Variants in TNRC6A observed in about 807,000 individuals in gnomAD.
TNRC6A encodes the protein trinucleotide repeat containing adaptor 6A, also known as trinucleotide repeat-containing gene 6A protein.
TNRC6A carries 44 observed loss-of-function variants against 221.2 expected under a neutral mutation model. That is an observed-to-expected ratio of 0.20 (90% CI 0.16 to 0.26). The LOEUF is 0.26. Among genes scored for constraint, TNRC6A ranks in the 10% least tolerant of loss-of-function variants. TNRC6A has a pLI of 1.00. For synonymous variants in TNRC6A, 847 were observed against 838.5 expected (o/e 1.01, Z -0.18); for missense variants, 2,199 against 2,404.4 (o/e 0.91, Z 1.79).
intron 5 of TNRC6A, among the ~76,000 whole-genome samples, chr16:24,779,617 C>A (rs1293972008): frequency 1.3e-5 from 2 of 152,122 alleles, no homozygotes; most frequent in East Asian, 3.8e-4. Flanking sequence ...ACTACTAACT[C>A]ATTTAATACT....
Position 24,795,743 on chromosome 16 carries a change from G to GAT in TNRC6A, c.3529-162_3529-161dup, listed in dbSNP as rs1361007213. The GAT allele has an allele frequency of 2.8e-5, 16 of 574,538 alleles. No individual in the cohort carries two copies. The Admixed American group carries it at 4.9e-4, about 18-fold the overall frequency. The allele number at this position is 574,538 out of a possible 1,614,324, so 35.6% of individuals were successfully genotyped here. On this transcript the variant is annotated intron_variant, in intron 8 of 24. Transcript: ENST00000395799. ...TCATTTGATCCTCACAACCATCTAAGATAGGACACTGATGAATTTGAGACT... is the reference window on the plus strand; with the variant it reads ...TCATTTGATCCTCACAACCATCTAAGATATAGGACACTGATGAATTTGAGACT...
chr16:24,823,869 G>T lies in TNRC6A; in HGVS notation c.*62G>T. On this transcript the variant is annotated 3_prime_UTR_variant, in exon 25 of 25. Transcript: ENST00000395799. This position sits in a 1 kb window ranked among gnomAD's most constrained non-coding sequence, Gnocchi z 4.3. Reference sequence around the variant, plus strand: ...CGCGAGGGAAAGGAGCACTAAGTGGGGCTCGCCGCCTGCAGCCAGGGGCCG... The same window carrying T: ...CGCGAGGGAAAGGAGCACTAAGTGGTGCTCGCCGCCTGCAGCCAGGGGCCG... The T allele has an allele frequency of 1.5e-6, 2 of 1,364,524 alleles. No homozygotes were observed. Among genetic ancestry groups the T allele is most frequent in the Non-Finnish European group, 9.5e-7 (1 of 1,054,186 alleles). The allele number at this position is 1,364,524 out of a possible 1,614,324, so 84.5% of individuals were successfully genotyped here.
In TNRC6A at chr16:24,736,810, A is replaced by C. The variant is rs546271052; in HGVS notation, c.53+6510A>C. On this transcript the variant is annotated intron_variant, in intron 2 of 24. Coordinates refer to ENST00000395799, the MANE Select transcript of TNRC6A (RefSeq NM_014494.4). ...AATGCCAAACAATTGGTTTAAACCG[A>C]GATGTAATTTTAAATATTTGAGGTT... is the stretch of plus-strand genomic sequence containing the variant. 2.6e-5 allele frequency among the ~76,000 whole-genome samples: 4 copies of C among 152,348 alleles called. No individual in the cohort carries two copies. In the South Asian group the frequency reaches 8.3e-4, roughly 32 times the overall value.
intron 1 of TNRC6A, among the ~76,000 whole-genome samples, chr16:24,626,225 T>C (rs967515780): frequency 1.3e-5 from 2 of 152,162 alleles, no homozygotes; most frequent in African/African-American, 4.8e-5. Flanking sequence ...ATTGCTCCAA[T>C]GTGCCACCAG....
rs113860323 is a variant in TNRC6A at position 24,680,422 on chromosome 16, TA to T, written n.402+39425del. Among the ~76,000 whole-genome samples the T allele has an allele frequency of 3.5e-3, 495 of 141,772 alleles. 2 individuals carry two copies. Among genetic ancestry groups the T allele is most frequent in the African/African-American group, 4.3e-3 (168 of 39,022 alleles). 93.0% of individuals were successfully genotyped at this position (141,772 alleles called of 152,430 possible). A position where few individuals can be genotyped will look rare whatever the true frequency, so the allele number is the denominator to read the frequency against. ...GGTGACAGAGTCAGACACTGTCTCTTAAAAAAAAAAAAGGAGGCCCGGTGCG... is the reference window on the plus strand; with the variant it reads ...GGTGACAGAGTCAGACACTGTCTCTTAAAAAAAAAAAGGAGGCCCGGTGCG... On this transcript the variant is annotated intron_variant and non_coding_transcript_variant, in intron 2 of 2. Coordinates refer to the TNRC6A transcript ENST00000566108.
At chr16:24,819,362 C>T (rs552321633) in intron 21 of TNRC6A, among the ~76,000 whole-genome samples, 6 of 152,316 alleles carry the variant, frequency 3.9e-5, no homozygotes, top group African/African-American at 1.4e-4. Context: ...CTGGTCCCTG[C>T]ATACCCACTC....
chr16:24,729,604 G>A (rs1408139774), upstream of TNRC6A: 2 of 412,338 alleles, frequency 4.9e-6, no homozygotes, highest in African/African-American at 2.1e-5. Flanking sequence ...CATCTTGGGG[G>A]CCAGTGGCCG....
Position 24,730,399 on chromosome 16 carries a change from C to T in TNRC6A, c.53+99C>T. On this transcript the variant is annotated intron_variant, in intron 2 of 24. Coordinates refer to ENST00000395799, the MANE Select transcript of TNRC6A (RefSeq NM_014494.4). ...TTGAGAAGTTCCCCCGTGACATTTTCTTCCGCACCCGGAGAGCAGACATTC... is the reference window on the plus strand; with the variant it reads ...TTGAGAAGTTCCCCCGTGACATTTTTTTCCGCACCCGGAGAGCAGACATTC... 2.8e-6 allele frequency: 4 copies of T among 1,408,996 alleles called. No homozygotes were observed. In the Admixed American group the frequency reaches 6.5e-5, roughly 23 times the overall value. 87.3% of individuals were successfully genotyped at this position (1,408,996 alleles called of 1,614,324 possible).
At chr16:24,631,009 T>C (rs575848072) in intron 1 of TNRC6A, among the ~76,000 whole-genome samples, 42 of 146,298 alleles carry the variant, frequency 2.9e-4, no homozygotes, top group Admixed American at 2.6e-3. Context: ...TACATACAGA[T>C]GAAGGGAAGA....
chr16:24,675,713 T>C (rs1420824053), intron 2 of TNRC6A, among the ~76,000 whole-genome samples: 2 of 95,194 alleles, frequency 2.1e-5, no homozygotes, highest in African/African-American at 4.2e-5. Flanking sequence ...TATATATATA[T>C]ATATATATAT....
At chr16:24,820,421 A>G (rs2058744734) in intron 22 of TNRC6A, 61 bp downstream of exon 22, 2 of 1,480,858 alleles carry the variant, frequency 1.4e-6, no homozygotes, top group Admixed American at 1.7e-5. Flanking sequence ...ACCAGTACTA[A>G]CAGTCGAGTT....
intron 2 of TNRC6A, among the ~76,000 whole-genome samples, chr16:24,645,093 A>G (rs1468911951): frequency 3.3e-5 from 5 of 152,214 alleles, no homozygotes; most frequent in Admixed American, 3.3e-4. Flanking sequence ...ATACTTAAAT[A>G]TTTTCCAAGT....
At chr16:24,697,308 A>G (rs1337344403) in intron 2 of TNRC6A, among the ~76,000 whole-genome samples, 2 of 152,192 alleles carry the variant, frequency 1.3e-5, no homozygotes, top group South Asian at 2.1e-4. Context: ...CCTCTTCTGA[A>G]TCGTTGTGTC....
intron 4 of TNRC6A, among the ~76,000 whole-genome samples, chr16:24,763,866 A>G (rs975063487): frequency 1.3e-5 from 2 of 152,172 alleles, no homozygotes; most frequent in African/African-American, 4.8e-5. Flanking sequence ...TGTTTATTAT[A>G]TATATTTAAG....
chr16:24,700,899 C>T (rs1417374659), intron 2 of TNRC6A, among the ~76,000 whole-genome samples: 2 of 152,226 alleles, frequency 1.3e-5, no homozygotes, highest in East Asian at 1.9e-4. Flanking sequence ...CGTGGGCTGA[C>T]GCCTTCACAG....
chr16:24,799,712 T>C (rs896944633), intron 11 of TNRC6A, among the ~76,000 whole-genome samples: 3 of 152,222 alleles, frequency 2.0e-5, no homozygotes, highest in African/African-American at 7.2e-5. Flanking sequence ...TAAGCCATCA[T>C]TGGTATCTGT....
chr16:24,711,475 C>T (rs2056204848), intron 2 of TNRC6A, among the ~76,000 whole-genome samples: 1 of 152,174 alleles, frequency 6.6e-6, no homozygotes, highest in Non-Finnish European at 1.5e-5. Flanking sequence ...TAATCTTTTC[C>T]TCTCACCCTT....
At chr16:24,687,423 A>T (rs1013118183) in intron 2 of TNRC6A, among the ~76,000 whole-genome samples, 4 of 152,158 alleles carry the variant, frequency 2.6e-5, no homozygotes, top group Admixed American at 6.6e-5. Flanking sequence ...TTTGGGTAAG[A>T]TCCTCTTAGT....
At chr16:24,624,344 C>A (rs553020828) in intron 1 of TNRC6A, among the ~76,000 whole-genome samples, 1 of 152,166 alleles carries the variant, frequency 6.6e-6, no homozygotes, top group South Asian at 2.1e-4. Context: ...CATTATACAG[C>A]AGAGGGCATG....
Sources: allele counts gnomAD v4.1 joint callset (sites outside exome capture counted in the v4.1 genomes callset), GRCh38; gene constraint gnomAD v4.1.1; non-coding constraint Gnocchi (gnomAD v3.1); transcripts MANE v1.5; gene names NCBI Gene and HGNC (gene_info 2026-07-23, HGNC 2026-07-21).